The following ATP5PB variants were observed in gnomAD, a reference collection of about 807,000 sequenced individuals.
ATP5PB encodes ATP synthase peripheral stalk subunit b, mitochondrial.
ATP5PB carries 21 observed loss-of-function variants against 34.5 expected under a neutral mutation model. The ratio of observed to expected loss-of-function variants is 0.61; its 90% CI spans 0.43 to 0.88. ATP5PB has a LOEUF of 0.88. Ranked by LOEUF, ATP5PB falls within the 40% of genes least tolerant of loss-of-function variation. The pLI, the probability that ATP5PB is intolerant of heterozygous loss-of-function variation, is 0.00. For missense variants in ATP5PB, 293 were observed against 317.4 expected, an observed-to-expected ratio of 0.92 and a Z score of 0.58; for synonymous variants, 108 against 114.1, an observed-to-expected ratio of 0.95 and a Z score of 0.34.
rs143447407 is a variant in ATP5PB, at chr1:111,449,863, C to G, written c.67C>G (p.Leu23Val). Reference sequence around the variant, plus strand: ...CCCCTCTCTGAAGAATGCAGCCTTCCTAGGTCCAGGGTAAGTGTGAGGATA... The same window carrying G: ...CCCCTCTCTGAAGAATGCAGCCTTCGTAGGTCCAGGGTAAGTGTGAGGATA... Reference protein sequence around the residue: ...AAPSLKNAAFLGPGVLQATRT... With the variant: ...AAPSLKNAAFVGPGVLQATRT... The change falls in exon 2 of 7, where the codon CTA (leucine) becomes GTA (valine). Residue 23 changes from leucine to valine, a missense_variant. Physicochemically the swap from Leu to Val is conservative, Grantham distance 32 (BLOSUM62 1). Transcript: ENST00000369722. 6.2e-7 allele frequency: 1 copy of G among 1,614,130 alleles called. No individual in the cohort carries two copies. Among genetic ancestry groups the G allele is most frequent in the South Asian group, 1.1e-5 (1 of 91,074 alleles).
chr1:111,451,080 AC>A (rs1344511313), intron 2 of ATP5PB, among the ~76,000 whole-genome samples: 1 of 152,180 alleles, frequency 6.6e-6, no homozygotes, highest in Non-Finnish European at 1.5e-5. Context: ...TTGTCCCATT[AC>A]AGCCCATTCT....
chr1:111,452,575 A>ATAT (rs1256229673), intron 2 of ATP5PB, among the ~76,000 whole-genome samples: 5 of 149,510 alleles, frequency 3.3e-5, no homozygotes, highest in Admixed American at 1.3e-4. Flanking sequence ...TGTCTCAAAA[A>ATAT]AATAAATAAA....
In ATP5PB at chr1:111,449,595, A is replaced by C. The variant is rs1011016238; in HGVS notation, c.40+14A>C. The C allele has an allele frequency of 1.3e-6, 2 of 1,596,488 alleles. No individual in the cohort carries two copies. The highest frequency in any genetic ancestry group is 1.3e-5 in the African/African-American group (1 of 74,216). On this transcript the variant is annotated intron_variant, in intron 1 of 6. Coordinates refer to ENST00000369722, the MANE Select transcript of ATP5PB (RefSeq NM_001688.5). ...CCGCCACAGCGGGTAAGGGGTATAG[A>C]CCCTGCTCTGGACTATCAGAGTGAT...
chr1:111,455,997 T>TTG, intron 3 of ATP5PB, 89 bp from the exon 4 acceptor site: 1 of 1,183,614 alleles, frequency 8.4e-7, no homozygotes, highest in Non-Finnish European at 1.1e-6. Flanking sequence ...TTACTTTGCC[T>TTG]TCAGCTAATC....
chr1:111,450,218 A>G (rs762526385), intron 2 of ATP5PB, among the ~76,000 whole-genome samples: 1 of 152,176 alleles, frequency 6.6e-6, no homozygotes, highest in East Asian at 1.9e-4. Context: ...CCAAGAATAA[A>G]TTTTGTTCAA....
intron 3 of ATP5PB, among the ~76,000 whole-genome samples, chr1:111,455,759 CTG>C (rs1228219834): frequency 6.6e-6 from 1 of 152,162 alleles, no homozygotes; most frequent in Non-Finnish European, 1.5e-5. Context: ...GTTTAATTTA[CTG>C]TGCGGGGTAT....
intron 5 of ATP5PB, among the ~76,000 whole-genome samples, chr1:111,459,182 A>G (rs1283924808): frequency 6.6e-6 from 1 of 152,180 alleles, no homozygotes; most frequent in Non-Finnish European, 1.5e-5. Flanking sequence ...GGGTATACCT[A>G]TATTTTTATT....
At position 111,461,901 on chromosome 1, in the gene ATP5PB, GA is replaced by G. The variant is rs34311324; in HGVS notation, c.*924del. 1,076 of 115,904 alleles carry G rather than the reference GA, an allele frequency of 9.3e-3. 8 individuals carry two copies. Among genetic ancestry groups the G allele is most frequent in the Non-Finnish European group, 0.013 (723 of 55,902 alleles). The allele number at this position is 115,904 out of a possible 1,614,324, so 7.2% of individuals were successfully genotyped here. On this transcript the variant is annotated 3_prime_UTR_variant, in exon 7 of 7. Coordinates refer to ENST00000369722, the MANE Select transcript of ATP5PB (RefSeq NM_001688.5). Reference sequence around the variant, plus strand: ...GGGCAACAGACCTCGACTCCATCTAGAAAAAAAAAAAAAAAAATCCAGCAGA... The same window carrying G: ...GGGCAACAGACCTCGACTCCATCTAGAAAAAAAAAAAAAAAATCCAGCAGA...
At chr1:111,456,551 T>C in intron 4 of ATP5PB, 79 bp from the exon 5 acceptor site, 2 of 1,527,752 alleles carry the variant, frequency 1.3e-6, no homozygotes, top group African/African-American at 2.8e-5. Flanking sequence ...ATATACAACT[T>C]TGAAGAAGCA....
intron 4 of ATP5PB, 113 bp downstream of exon 4, chr1:111,456,362 C>A: frequency 8.2e-7 from 1 of 1,212,232 alleles, no homozygotes; most frequent in Non-Finnish European, 1.1e-6. Flanking sequence ...GAATCTAATG[C>A]TTCAAATAAG....
chr1:111,450,404 G>A (rs186623405), intron 2 of ATP5PB, among the ~76,000 whole-genome samples: 105 of 152,298 alleles, frequency 6.9e-4, no homozygotes, highest in Non-Finnish European at 1.0e-3. Flanking sequence ...GGAGCTCACA[G>A]TCTAGGAATG....
At chr1:111,455,219 A>T (rs775310131) in intron 3 of ATP5PB, among the ~76,000 whole-genome samples, 5 of 152,142 alleles carry the variant, frequency 3.3e-5, no homozygotes, top group Admixed American at 1.3e-4. Flanking sequence ...TAGAAACATT[A>T]GTCTCCTCAG....
chr1:111,452,359 G>A (rs944689783), intron 2 of ATP5PB, among the ~76,000 whole-genome samples: 2 of 151,408 alleles, frequency 1.3e-5, no homozygotes, highest in South Asian at 4.2e-4. Context: ...AGTAGTTTGA[G>A]ACCAGCCTGG....
At chr1:111,456,401 A>T (rs1024772958) in intron 4 of ATP5PB, 152 bp downstream of exon 4, 4 of 1,098,658 alleles carry the variant, frequency 3.6e-6, no homozygotes, top group South Asian at 4.2e-5. Context: ...ATTTGAGATA[A>T]TTTTTTTATA....
chr1:111,454,479 CAG>C, intron 3 of ATP5PB, 123 bp downstream of exon 3: 1 of 1,257,550 alleles, frequency 8.0e-7, no homozygotes. Flanking sequence ...TTTTTTGAGA[CAG>C]GGTATTACTC....
chr1:111,458,070 A>C (rs572711623), intron 5 of ATP5PB, among the ~76,000 whole-genome samples: 10 of 152,334 alleles, frequency 6.6e-5, no homozygotes, highest in Admixed American at 1.3e-4. Flanking sequence ...AGTGCTGAAA[A>C]TATAGTGGAG....
At chr1:111,458,238 G>A (rs901567451) in intron 5 of ATP5PB, among the ~76,000 whole-genome samples, 5 of 152,222 alleles carry the variant, frequency 3.3e-5, no homozygotes, top group African/African-American at 4.8e-5. Context: ...AGGCGCATTG[G>A]CTCATGCCTA....
In ATP5PB at chr1:111,461,148, A is replaced by G. The variant is rs2101762068; in HGVS notation, c.*154A>G. On this transcript the variant is annotated 3_prime_UTR_variant, in exon 7 of 7. Coordinates refer to ENST00000369722, the MANE Select transcript of ATP5PB (RefSeq NM_001688.5). The stretch of plus-strand genomic sequence containing the variant: ...TTGTTTCATATAGTGAGAGAACGAA[A>G]TCTCTATCGGCCAGTCAGATGTTTC... 3.2e-6 allele frequency: 2 copies of G among 623,424 alleles called. No homozygotes were observed. The highest frequency in any genetic ancestry group is 2.8e-5 in the Admixed American group (1 of 35,660). The allele number at this position is 623,424 out of a possible 1,614,324, so 38.6% of individuals were successfully genotyped here.
At chr1:111,449,729 G>T in intron 1 of ATP5PB, 108 bp from the exon 2 acceptor site, 1 of 1,579,332 alleles carries the variant, frequency 6.3e-7, no homozygotes, top group South Asian at 1.1e-5. Flanking sequence ...GGTCTTGAGG[G>T]ACGGGAAAGA....
Sources: allele counts gnomAD v4.1 joint callset (sites outside exome capture counted in the v4.1 genomes callset), GRCh38; gene constraint gnomAD v4.1.1; transcripts MANE v1.5; gene names NCBI Gene and HGNC (gene_info 2026-07-23, HGNC 2026-07-21).